The following SPATA17 variants were observed in gnomAD, a reference collection of about 807,000 sequenced individuals.
SPATA17 encodes spermatogenesis-associated protein 17.
Under a neutral mutation model 62.2 loss-of-function variants are expected in SPATA17, and 53 were observed. The ratio of observed to expected loss-of-function variants is 0.85; its 90% CI spans 0.68 to 1.07. SPATA17 has a LOEUF of 1.07. SPATA17 is among the 50% of genes least tolerant of loss of function. The pLI, the probability that SPATA17 is intolerant of heterozygous loss-of-function variation, is 0.00. For synonymous variants in SPATA17, 146 were observed against 146.8 expected, an observed-to-expected ratio of 0.99 and a Z score of 0.04; for missense variants, 466 against 425.5, an observed-to-expected ratio of 1.10 and a Z score of -0.84.
In SPATA17 at chr1:217,655,781, G is replaced by A. The variant is rs933840279; in HGVS notation, c.240+4603G>A. Among the ~76,000 whole-genome samples the A allele has an allele frequency of 3.9e-5, 6 of 152,064 alleles. No individual in the cohort carries two copies. In the East Asian group the frequency reaches 5.8e-4, roughly 15 times the overall value. On this transcript the variant is annotated intron_variant, in intron 3 of 10. Coordinates refer to ENST00000366933, the MANE Select transcript of SPATA17 (RefSeq NM_138796.4). ...TGGTTTGGTGCTCAAATAGTCCTTC[G>A]TTTTCTCACTAGGAGCTTCTTCAAA...
At chr1:217,717,745 T>C (rs925720588) in intron 5 of SPATA17, among the ~76,000 whole-genome samples, 9 of 152,160 alleles carry the variant, frequency 5.9e-5, no homozygotes, top group Non-Finnish European at 1.5e-5. Context: ...CTTTTAAGAA[T>C]ATTGGTGTGT....
intron 3 of SPATA17, among the ~76,000 whole-genome samples, chr1:217,655,496 A>T (rs1016685046): frequency 7.9e-5 from 12 of 152,154 alleles, no homozygotes; most frequent in Non-Finnish European, 1.3e-4. Flanking sequence ...AATGCTATGT[A>T]TACATCTTCT....
intron 6 of SPATA17, among the ~76,000 whole-genome samples, chr1:217,755,138 A>G (rs1009616895): frequency 6.6e-6 from 1 of 152,090 alleles, no homozygotes; most frequent in Non-Finnish European, 1.5e-5. Context: ...ACAAAAAAAG[A>G]GGAATTCCAA....
intron 9 of SPATA17, among the ~76,000 whole-genome samples, chr1:217,840,520 T>G (rs1304285901): frequency 6.6e-6 from 1 of 152,088 alleles, no homozygotes; most frequent in African/African-American, 2.4e-5. Context: ...CTCTTTAAAC[T>G]TACTTTCTCC....
At position 217,669,436 on chromosome 1, in the gene SPATA17, G is replaced by T. The variant is rs117242253; in HGVS notation, c.291+353G>T. ...CATGGTTGTGAAATATAAGATTCCT[G>T]CCCAATACAAATCAATTAGAAATTA... On this transcript the variant is annotated intron_variant, in intron 4 of 10. Coordinates refer to ENST00000366933, the MANE Select transcript of SPATA17 (RefSeq NM_138796.4). Among the ~76,000 whole-genome samples the T allele has an allele frequency of 3.7e-4, 57 of 152,186 alleles. No homozygotes were observed. In the East Asian group the frequency reaches 9.7e-3, roughly 26 times the overall value.
At chr1:217,824,759 C>T (rs1190312414) in intron 9 of SPATA17, among the ~76,000 whole-genome samples, 1 of 150,498 alleles carries the variant, frequency 6.6e-6, no homozygotes, top group African/African-American at 2.4e-5. Context: ...TTAGTTCAGT[C>T]ATTAATTTCA....
chr1:217,863,345 G>A (rs1018820454), intron 10 of SPATA17, among the ~76,000 whole-genome samples: 1 of 151,920 alleles, frequency 6.6e-6, no homozygotes, highest in African/African-American at 2.4e-5. Flanking sequence ...TGGCCAGGCT[G>A]GTCTCGAACT....
chr1:217,774,470 C>T lies in SPATA17; in HGVS notation c.656C>T (p.Ala219Val). 1 of 1,614,130 alleles carries T rather than the reference C, an allele frequency of 6.2e-7. No homozygotes were observed. Residue 219 changes from alanine to valine, a missense_variant, in exon 7 of 11, where the codon GCT (alanine) becomes GTT (valine). Transcript: ENST00000366933. The stretch of plus-strand genomic sequence containing the variant: ...TCCACCAGCCTTACTGATTGGCTAG[C>T]TTGTACAAGCGCCCGTTCTTTTCCT... ...KDSTSLTDWLACTSARSFPRS... is the reference protein window; with the variant it reads ...KDSTSLTDWLVCTSARSFPRS...
chr1:217,790,749 T>G (rs960554236), intron 8 of SPATA17, among the ~76,000 whole-genome samples: 2 of 152,208 alleles, frequency 1.3e-5, no homozygotes, highest in Admixed American at 6.5e-5. Flanking sequence ...TTTTAAAACT[T>G]TAAATATAAT....
At position 217,870,605 on chromosome 1, in the gene SPATA17, A is replaced by G. The variant is rs570394349; in HGVS notation, c.*3586A>G. On this transcript the variant is annotated 3_prime_UTR_variant, in exon 11 of 11. Coordinates refer to ENST00000366933, the MANE Select transcript of SPATA17 (RefSeq NM_138796.4). The stretch of plus-strand genomic sequence containing the variant: ...CACTTAAGAAAATTAATGAGACTTT[A>G]TGTTTGACCAAAGCTGGTAATTCCT... 2.6e-5 allele frequency: 4 copies of G among 152,294 alleles called. No individual in the cohort carries two copies. The highest frequency in any genetic ancestry group is 4.8e-5 in the African/African-American group (2 of 41,572). The allele number at this position is 152,294 out of a possible 1,614,324, so 9.4% of individuals were successfully genotyped here. A position where few individuals can be genotyped will look rare whatever the true frequency, so the allele number is the denominator to read the frequency against.
chr1:217,649,277 G>C (rs987826099), intron 2 of SPATA17, among the ~76,000 whole-genome samples: 3 of 152,028 alleles, frequency 2.0e-5, no homozygotes, highest in African/African-American at 7.3e-5. Context: ...TCAGGAGTTT[G>C]AGATCAGCCT....
rs1459336601 is a variant in SPATA17 at position 217,631,386 on chromosome 1, C to G, written c.8C>G (p.Thr3Arg). 35 of 1,613,940 alleles carry G rather than the reference C, an allele frequency of 2.2e-5. No individual in the cohort carries two copies. The highest frequency in any genetic ancestry group is 3.0e-5 in the Non-Finnish European group (35 of 1,180,026). Residue 3 changes from threonine to arginine, a missense_variant, in exon 1 of 11, where the codon ACG becomes AGG. By Grantham distance (71) the Thr-to-Arg change is moderately conservative. Transcript: ENST00000366933. Reference sequence around the variant, plus strand: ...ACCCAAGGCCAAGAGACCATGGCCACGTTAGCCCGGCTGCAAGCTAGGTCG... The same window carrying G: ...ACCCAAGGCCAAGAGACCATGGCCAGGTTAGCCCGGCTGCAAGCTAGGTCG... MA[T>R]LARLQARSST...
intron 9 of SPATA17, among the ~76,000 whole-genome samples, chr1:217,819,877 AAC>A (rs1674817062): frequency 6.6e-6 from 1 of 152,066 alleles, no homozygotes; most frequent in Non-Finnish European, 1.5e-5. Context: ...CATATTTAGC[AAC>A]AGTTGTCTTT....
chr1:217,781,448 C>T (rs1167222282), intron 7 of SPATA17, among the ~76,000 whole-genome samples: 1 of 152,088 alleles, frequency 6.6e-6, no homozygotes, highest in Non-Finnish European at 1.5e-5. Flanking sequence ...TAATACGATA[C>T]TAATTAGACA....
chr1:217,794,736 C>G (rs1351867925), intron 8 of SPATA17, among the ~76,000 whole-genome samples: 1 of 152,168 alleles, frequency 6.6e-6, no homozygotes, highest in African/African-American at 2.4e-5. Context: ...TGTTACCTGC[C>G]TGGCCCTTTA....
chr1:217,643,529 C>G (rs1195024644), intron 1 of SPATA17, among the ~76,000 whole-genome samples: 1 of 152,076 alleles, frequency 6.6e-6, no homozygotes, highest in Non-Finnish European at 1.5e-5. Flanking sequence ...CTTGAGGATG[C>G]TCACCTTACC....
rs200289654 is a variant in SPATA17, at chr1:217,727,285, A to ATAATAC, written c.396-14687_396-14686insTACTAA. 2.3e-3 allele frequency among the ~76,000 whole-genome samples: 344 copies of ATAATAC among 146,690 alleles called. 4 individuals carry two copies. The highest frequency in any genetic ancestry group is 0.014 in the Middle Eastern group (4 of 278). On this transcript the variant is annotated intron_variant, in intron 5 of 10. Coordinates refer to ENST00000366933, the MANE Select transcript of SPATA17 (RefSeq NM_138796.4). ...AATAATAATAATAATAATAATAATAATAACAACAAAAAACTGTTATTCTTA... is the reference window on the plus strand; with the variant it reads ...AATAATAATAATAATAATAATAATAATAATACTAACAACAAAAAACTGTTATTCTTA...
At chr1:217,816,075 A>G (rs1030662014) in intron 9 of SPATA17, among the ~76,000 whole-genome samples, 6 of 152,128 alleles carry the variant, frequency 3.9e-5, no homozygotes, top group Non-Finnish European at 7.4e-5. Context: ...TGGTTTTTAC[A>G]AAAGATGTAC....
intron 9 of SPATA17, among the ~76,000 whole-genome samples, chr1:217,803,868 G>A (rs1269832243): frequency 6.6e-6 from 1 of 151,852 alleles, no homozygotes; most frequent in African/African-American, 2.4e-5. Context: ...AAATACAAAA[G>A]GTAGCCGGGT....
Sources: gnomAD v4.1 joint callset for allele counts (sites outside exome capture counted in the v4.1 genomes callset) on GRCh38, gnomAD v4.1.1 for gene constraint, MANE v1.5 for transcripts, NCBI Gene and HGNC (gene_info 2026-07-23, HGNC 2026-07-21) for gene names.